Variants in ADAMTSL3 observed in about 807,000 individuals in gnomAD.
The protein encoded by ADAMTSL3 is ADAMTS like 3.
In ADAMTSL3, 128 loss-of-function variants were observed where a neutral mutation model predicts 201.7. That is an observed-to-expected ratio of 0.63 (90% CI 0.55 to 0.73). The LOEUF is 0.73. Among genes scored for constraint, ADAMTSL3 ranks in the 30% least tolerant of loss-of-function variants. The pLI, the probability that ADAMTSL3 is intolerant of heterozygous loss-of-function variation, is 0.00. For missense variants in ADAMTSL3, 1,990 were observed against 2,119.6 expected (o/e 0.94, Z 1.20); for synonymous variants, 738 against 748.4 (o/e 0.99, Z 0.23).
chr15:83,780,391 C>G (rs1161702264), intron 4 of ADAMTSL3, among the ~76,000 whole-genome samples: 1 of 135,098 alleles, frequency 7.4e-6, no homozygotes, highest in East Asian at 2.4e-4. Context: ...GCCTGGGCGA[C>G]AAGAGTGAAA....
intron 2 of ADAMTSL3, among the ~76,000 whole-genome samples, chr15:83,677,655 A>G (rs1343741453): frequency 6.6e-6 from 1 of 151,938 alleles, no homozygotes; most frequent in African/African-American, 2.4e-5. Flanking sequence ...CTACATTATC[A>G]TATTTGAGGT....
chr15:83,907,824 G>A (rs2065868223), intron 15 of ADAMTSL3, among the ~76,000 whole-genome samples: 1 of 152,188 alleles, frequency 6.6e-6, no homozygotes, highest in African/African-American at 2.4e-5. Flanking sequence ...GTTGTGAATA[G>A]TGCTTTGATA....
chr15:83,875,647 G>A (rs557901374), intron 9 of ADAMTSL3, among the ~76,000 whole-genome samples: 6 of 152,148 alleles, frequency 3.9e-5, no homozygotes, highest in Non-Finnish European at 8.8e-5. Flanking sequence ...GCTGGGCATG[G>A]TGGCACGCGC....
intron 3 of ADAMTSL3, chr15:83,717,406 A>G (rs1205174565): frequency 6.6e-6 from 1 of 152,238 alleles, no homozygotes; most frequent in Non-Finnish European, 1.5e-5. Flanking sequence ...TTATAATTAC[A>G]GTTTACTCTT....
At chr15:83,970,821 G>A (rs914531233) in intron 20 of ADAMTSL3, among the ~76,000 whole-genome samples, 184 bp downstream of exon 20, 1 of 152,220 alleles carries the variant, frequency 6.6e-6, no homozygotes, top group Non-Finnish European at 1.5e-5. Context: ...TCTAAGAAAA[G>A]TCTGTTTTAA....
chr15:84,028,874 C>CA (rs563581645), intron 27 of ADAMTSL3, among the ~76,000 whole-genome samples: 1 of 152,310 alleles, frequency 6.6e-6, no homozygotes, highest in African/African-American at 2.4e-5. Context: ...AGTGAGTTCT[C>CA]ACAAGATCTG....
chr15:83,657,899 C>T (rs560265626), intron 2 of ADAMTSL3, among the ~76,000 whole-genome samples: 112 of 152,214 alleles, frequency 7.4e-4, no homozygotes, highest in African/African-American at 2.6e-3. Context: ...CTGTTTTTTC[C>T]GTAGGGTCAG....
At chr15:83,918,656 A>C (rs2066081166) in intron 16 of ADAMTSL3, among the ~76,000 whole-genome samples, 1 of 152,222 alleles carries the variant, frequency 6.6e-6, no homozygotes. Context: ...TTAGTGTGGC[A>C]TGCTGCTAGA....
At chr15:83,907,013 G>C (rs1342112625) in intron 15 of ADAMTSL3, among the ~76,000 whole-genome samples, 1 of 149,742 alleles carries the variant, frequency 6.7e-6, no homozygotes, top group Non-Finnish European at 1.5e-5. Flanking sequence ...TCACTTGGTT[G>C]AGCCCCAGAG....
chr15:83,671,053 T>A (rs997313826), intron 2 of ADAMTSL3, among the ~76,000 whole-genome samples: 5 of 152,216 alleles, frequency 3.3e-5, no homozygotes, highest in African/African-American at 7.2e-5. Context: ...TTGTTTTTTT[T>A]AATATTCAGC....
At chr15:83,817,977 G>A (rs1310925700) in intron 5 of ADAMTSL3, among the ~76,000 whole-genome samples, 1 of 152,082 alleles carries the variant, frequency 6.6e-6, no homozygotes, top group Non-Finnish European at 1.5e-5. Context: ...GAACCTGGGA[G>A]GTCCAGCCTA....
intron 4 of ADAMTSL3, among the ~76,000 whole-genome samples, chr15:83,787,004 T>C (rs2063275038): frequency 6.6e-6 from 1 of 152,158 alleles, no homozygotes; most frequent in Admixed American, 6.5e-5. Context: ...AATAAATGAG[T>C]GTGTGCTCAC....
rs149904588 is a variant in ADAMTSL3 at position 83,867,870 on chromosome 15, T to C, written c.803-2932T>C. Among the ~76,000 whole-genome samples the C allele has an allele frequency of 9.8e-5, 15 of 152,330 alleles. 1 individual carries two copies. The East Asian group carries it at 2.7e-3, about 27-fold the overall frequency. On this transcript the variant is annotated intron_variant, in intron 8 of 29. Transcript: ENST00000286744. Reference sequence around the variant, plus strand: ...AACTAGAAGCAATTAGAAGCATTCATCATTTTCTAGGCATAATTTCTTTTA... The same window carrying C: ...AACTAGAAGCAATTAGAAGCATTCACCATTTTCTAGGCATAATTTCTTTTA...
chr15:83,869,296 C>T (rs2065037704), intron 8 of ADAMTSL3, among the ~76,000 whole-genome samples: 1 of 152,038 alleles, frequency 6.6e-6, no homozygotes, highest in African/African-American at 2.4e-5. Flanking sequence ...TTTTTACTGA[C>T]AACTCACTTT....
At chr15:83,854,697 TA>T (rs541157295) in intron 7 of ADAMTSL3, among the ~76,000 whole-genome samples, 1 of 152,254 alleles carries the variant, frequency 6.6e-6, no homozygotes, top group Non-Finnish European at 1.5e-5. Flanking sequence ...TGCAAACGGT[TA>T]TTTTCTAATT....
chr15:83,905,784 AT>A (rs1182570018), intron 15 of ADAMTSL3, among the ~76,000 whole-genome samples: 1 of 152,132 alleles, frequency 6.6e-6, no homozygotes, highest in East Asian at 1.9e-4. Context: ...TAAGCATTTA[AT>A]TTCTACTGTC....
chr15:83,990,537 A>C (rs2067563666), intron 22 of ADAMTSL3, among the ~76,000 whole-genome samples: 1 of 152,098 alleles, frequency 6.6e-6, no homozygotes, highest in Non-Finnish European at 1.5e-5. Context: ...AAAACCTCTT[A>C]TTACGCTGGG....
At chr15:83,955,034 A>G (rs1449296100) in intron 19 of ADAMTSL3, among the ~76,000 whole-genome samples, 2 of 152,218 alleles carry the variant, frequency 1.3e-5, no homozygotes, top group Non-Finnish European at 2.9e-5. Flanking sequence ...CCCTAGGGCT[A>G]CAGTCAGCAA....
chr15:84,024,204 C>T lies in ADAMTSL3; in HGVS notation c.4458-1034C>T, dbSNP rs150226231. Among the ~76,000 whole-genome samples the T allele has an allele frequency of 5.8e-3, 884 of 152,140 alleles. 7 individuals are homozygous for T. The highest frequency in any genetic ancestry group is 0.019 in the African/African-American group (804 of 41,494). On this transcript the variant is annotated intron_variant, in intron 26 of 29. Coordinates refer to ENST00000286744, the MANE Select transcript of ADAMTSL3 (RefSeq NM_207517.3). ...CCGGGAGGCAATGGTTGGAGTGAGC[C>T]GAGGTTGCGCCACTGCACTCCAGCC...
Sources: gnomAD v4.1 joint callset for allele counts (sites outside exome capture counted in the v4.1 genomes callset) on GRCh38, gnomAD v4.1.1 for gene constraint, MANE v1.5 for transcripts, NCBI Gene and HGNC (gene_info 2026-07-23, HGNC 2026-07-21) for gene names.